Variants in VGLL4 observed in about 807,000 individuals in gnomAD.
VGLL4 encodes the protein transcription cofactor vestigial-like protein 4.
VGLL4 carries 7 observed loss-of-function variants against 21.0 expected under a neutral mutation model. That is an observed-to-expected ratio of 0.33 (90% confidence interval 0.19 to 0.63). VGLL4 has a LOEUF of 0.63. VGLL4 is among the 20% of genes least tolerant of loss of function. The pLI is 0.78. For synonymous variants in VGLL4, 222 were observed against 173.2 expected, an observed-to-expected ratio of 1.28 and a Z score of -2.21; for missense variants, 394 against 425.7, an observed-to-expected ratio of 0.93 and a Z score of 0.66.
intron 2 of VGLL4, among the ~76,000 whole-genome samples, chr3:11,681,745 G>A (rs1235571457): frequency 2.0e-5 from 3 of 152,368 alleles, no homozygotes; most frequent in South Asian, 2.1e-4. Context: ...AGGCTCATGA[G>A]TGTCAGATGC....
chr3:11,686,516 G>T (rs1030898356), intron 2 of VGLL4, among the ~76,000 whole-genome samples: 1 of 152,126 alleles, frequency 6.6e-6, no homozygotes, highest in Non-Finnish European at 1.5e-5. Context: ...TGGGGAAATG[G>T]GGAGTTACGT....
At position 11,638,036 on chromosome 3, in the gene VGLL4, T is replaced by C. The variant is rs147878135; in HGVS notation, c.82+5401A>G. On this transcript the variant is annotated intron_variant, in intron 1 of 4. Transcript: ENST00000430365. ...ACATTCCCTGGTCCGACTGTTTTTA[T>C]ATATTTGTGTACATGCGTAAGTGCT... Among the ~76,000 whole-genome samples, 15 of 152,318 alleles carry C rather than the reference T, an allele frequency of 9.8e-5. No individual in the cohort carries two copies. The East Asian group carries it at 2.7e-3, about 27-fold the overall frequency.
At chr3:11,665,475 T>A (rs940750075) in intron 2 of VGLL4, among the ~76,000 whole-genome samples, 1 of 152,200 alleles carries the variant, frequency 6.6e-6, no homozygotes, top group Non-Finnish European at 1.5e-5. Context: ...TTCATACACC[T>A]GCAGCTTCAC....
intron 2 of VGLL4, among the ~76,000 whole-genome samples, chr3:11,681,799 G>T (rs186104201): frequency 2.0e-5 from 3 of 152,210 alleles, no homozygotes; most frequent in African/African-American, 7.2e-5. Context: ...AAAGGAGCCA[G>T]CGAGTAAGAT....
At chr3:11,599,191 G>C (rs538028148) in intron 2 of VGLL4, among the ~76,000 whole-genome samples, 2 of 152,184 alleles carry the variant, frequency 1.3e-5, no homozygotes, top group South Asian at 4.2e-4. Flanking sequence ...CTATCACACA[G>C]TAAACAAGTA....
At chr3:11,598,806 A>G (rs762184832) in intron 2 of VGLL4, among the ~76,000 whole-genome samples, 3 of 152,190 alleles carry the variant, frequency 2.0e-5, no homozygotes, top group Admixed American at 6.5e-5. Flanking sequence ...CTCTTTTCCA[A>G]TAACACTCCT....
intron 2 of VGLL4, among the ~76,000 whole-genome samples, chr3:11,656,313 T>C (rs747092508): frequency 8.5e-5 from 13 of 152,160 alleles, no homozygotes; most frequent in Non-Finnish European, 1.5e-4. Flanking sequence ...GACATCTGAT[T>C]AAGTTTGAGG....
chr3:11,593,933 G>A (rs978981647), intron 2 of VGLL4, among the ~76,000 whole-genome samples: 1 of 152,208 alleles, frequency 6.6e-6, no homozygotes, highest in African/African-American at 2.4e-5. Flanking sequence ...TAGTGACCAT[G>A]GCTTTGATCC....
At chr3:11,612,682 G>A (rs1298612726) in intron 1 of VGLL4, 1 of 152,232 alleles carries the variant, frequency 6.6e-6, no homozygotes, top group Non-Finnish European at 1.5e-5. Context: ...CCCGCTTAGA[G>A]TGCGAGCTCC....
intron 2 of VGLL4, among the ~76,000 whole-genome samples, chr3:11,650,476 A>T (rs1279369771): frequency 6.6e-6 from 1 of 152,204 alleles, no homozygotes; most frequent in Non-Finnish European, 1.5e-5. Context: ...ATCACTCCCC[A>T]GACATTTATT....
At chr3:11,597,444 A>G (rs1187781387) in intron 2 of VGLL4, among the ~76,000 whole-genome samples, 2 of 152,178 alleles carry the variant, frequency 1.3e-5, no homozygotes, top group African/African-American at 4.8e-5. Context: ...AGTGTCATGG[A>G]TAGGTTAATG....
intron 2 of VGLL4, among the ~76,000 whole-genome samples, chr3:11,657,277 T>C (rs1019254933): frequency 2.6e-5 from 4 of 152,080 alleles, no homozygotes; most frequent in Non-Finnish European, 5.9e-5. Flanking sequence ...CAGGCCGCCA[T>C]TCACTGCAAT....
intron 2 of VGLL4, among the ~76,000 whole-genome samples, chr3:11,670,076 T>C (rs1052721071): frequency 1.3e-5 from 2 of 151,772 alleles, no homozygotes; most frequent in Non-Finnish European, 2.9e-5. Flanking sequence ...GAATGCATTA[T>C]GTATGGGAGG....
chr3:11,559,323 G>C lies in VGLL4; in HGVS notation c.619+9C>G. ...AGCTGTGACAGGTGAGGAGGCCCGG[G>C]ACACTCACCGCTCGGTGGCCTCCGG... is the stretch of plus-strand genomic sequence containing the variant. On this transcript the variant is annotated intron_variant, in intron 4 of 4. Transcript: ENST00000430365. 6.5e-7 allele frequency: 1 copy of C among 1,531,500 alleles called. No homozygotes were observed. The highest frequency in any genetic ancestry group is 2.5e-5 in the East Asian group (1 of 40,800). The allele number at this position is 1,531,500 out of a possible 1,614,324, so 94.9% of individuals were successfully genotyped here.
intron 2 of VGLL4, among the ~76,000 whole-genome samples, chr3:11,569,696 G>A (rs569467719): frequency 6.6e-6 from 1 of 152,356 alleles, no homozygotes; most frequent in African/African-American, 2.4e-5. Context: ...AGGACAGCCA[G>A]TCGTTCACAC....
At chr3:11,578,748 C>CTTTTTT (rs71044228) in intron 2 of VGLL4, among the ~76,000 whole-genome samples, 1,135 of 104,658 alleles carry the variant, frequency 0.011, 55 homozygotes, top group Non-Finnish European at 0.016. Context: ...TGTATATTTT[C>CTTTTTT]TTTTTTTTTT....
chr3:11,678,603 C>T lies in VGLL4; in HGVS notation c.64+24368G>A, dbSNP rs368428914. ...AGTCATTCATTATAATATTCTCCCTCAATCACTTGAGTCCAGGAGGTCGAG... is the reference window on the plus strand; with the variant it reads ...AGTCATTCATTATAATATTCTCCCTTAATCACTTGAGTCCAGGAGGTCGAG... On this transcript the variant is annotated intron_variant, in intron 2 of 5. Transcript: ENST00000273038. Among the ~76,000 whole-genome samples, 5 of 152,312 alleles carry T rather than the reference C, an allele frequency of 3.3e-5. No individual in the cohort carries two copies. The East Asian group carries it at 5.8e-4, about 18-fold the overall frequency.
At chr3:11,716,626 GTACATTC>G (rs1430470380) in intron 1 of VGLL4, among the ~76,000 whole-genome samples, 15 of 152,188 alleles carry the variant, frequency 9.9e-5, no homozygotes, top group Non-Finnish European at 1.8e-4. Flanking sequence ...GACACAGAAA[GTACATTC>G]TACAAAGTTT....
At chr3:11,621,207 C>T (rs2075260140) in intron 1 of VGLL4, among the ~76,000 whole-genome samples, 1 of 152,180 alleles carries the variant, frequency 6.6e-6, no homozygotes, top group Admixed American at 6.5e-5. Flanking sequence ...ATAATTCACC[C>T]ATTAAAGTGT....
Sources: allele counts gnomAD v4.1 joint callset (sites outside exome capture counted in the v4.1 genomes callset), GRCh38; gene constraint gnomAD v4.1.1; transcripts MANE v1.5; gene names NCBI Gene and HGNC (gene_info 2026-07-23, HGNC 2026-07-21).